The following ASTN2 variants were observed in gnomAD, a reference collection of about 807,000 sequenced individuals.
ASTN2 encodes astrotactin-2.
ASTN2 carries 54 observed loss-of-function variants against 139.8 expected under a neutral mutation model. That is an observed-to-expected ratio of 0.39 (90% CI 0.31 to 0.48). ASTN2 has a LOEUF of 0.48. ASTN2 is among the 20% of genes least tolerant of loss of function. The probability of loss-of-function intolerance (pLI) is 0.95; values close to 1 mark genes in which losing one functional copy is unlikely to be tolerated. For synonymous variants in ASTN2, 756 were observed against 719.5 expected, an observed-to-expected ratio of 1.05 and a Z score of -0.81; for missense variants, 1,565 against 1,725.1, an observed-to-expected ratio of 0.91 and a Z score of 1.64.
chr9:116,724,590 C>T (rs143177927), intron 16 of ASTN2, among the ~76,000 whole-genome samples: 17 of 152,348 alleles, frequency 1.1e-4, no homozygotes, highest in African/African-American at 4.1e-4. Context: ...AAGCTCCCTT[C>T]TTCTCCCCTA....
chr9:117,093,991 C>A (rs567465209), intron 5 of ASTN2, among the ~76,000 whole-genome samples: 1 of 152,094 alleles, frequency 6.6e-6, no homozygotes, highest in South Asian at 2.1e-4. Flanking sequence ...ACAAACCCCA[C>A]AAGAGCAGGA....
intron 10 of ASTN2, among the ~76,000 whole-genome samples, chr9:116,930,372 A>G (rs73528002): frequency 0.018 from 2,753 of 152,058 alleles, 75 homozygotes; most frequent in African/African-American, 0.056. Flanking sequence ...GATGTTTTGA[A>G]TTTTCTTCCT....
Position 116,568,356 on chromosome 9 carries a change from AAATTTT to A in ASTN2, c.3355+49962_3355+49967del, listed in dbSNP as rs1246281799. On this transcript the variant is annotated intron_variant, in intron 19 of 22. Transcript: ENST00000313400. ...GTTTTGGATATTTTTTTAAATTTTT[AAATTTT>A]AATTTTTATCTTTTTTTAGGAGATG... 7 of 152,218 alleles carry A rather than the reference AAATTTT, an allele frequency of 4.6e-5. No individual in the cohort carries two copies. In the East Asian group the frequency reaches 1.4e-3, roughly 29 times the overall value. The allele number at this position is 152,218 out of a possible 1,614,324, so 9.4% of individuals were successfully genotyped here.
intron 3 of ASTN2, chr9:117,181,076 A>G: frequency 1.5e-6 from 2 of 1,311,920 alleles, no homozygotes; most frequent in East Asian, 2.3e-5. Context: ...GCCTGTTTCC[A>G]TGGTCCCTTA....
intron 2 of ASTN2, among the ~76,000 whole-genome samples, chr9:117,238,769 A>C (rs958487512): frequency 8.5e-5 from 13 of 152,274 alleles, no homozygotes; most frequent in South Asian, 8.3e-4. Context: ...AGCTCCAGTG[A>C]CCGCTATAAA....
At chr9:117,315,420 C>A (rs1828114606) in intron 1 of ASTN2, among the ~76,000 whole-genome samples, 1 of 152,184 alleles carries the variant, frequency 6.6e-6, no homozygotes, top group Admixed American at 6.6e-5. Context: ...CAGCCGCCAA[C>A]CATGTGAGTT....
At chr9:116,813,312 C>T (rs985074645) in intron 12 of ASTN2, among the ~76,000 whole-genome samples, 2 of 152,112 alleles carry the variant, frequency 1.3e-5, no homozygotes, top group Non-Finnish European at 2.9e-5. Context: ...CACCATAAAA[C>T]CTTCTATGTG....
At chr9:116,485,676 C>T (rs1849315464) in intron 20 of ASTN2, among the ~76,000 whole-genome samples, 1 of 152,200 alleles carries the variant, frequency 6.6e-6, no homozygotes, top group African/African-American at 2.4e-5. Flanking sequence ...CCAGATGTCC[C>T]ACTGGAAGAC....
intron 20 of ASTN2, among the ~76,000 whole-genome samples, chr9:116,450,114 G>C (rs977252658): frequency 2.0e-5 from 3 of 152,208 alleles, no homozygotes; most frequent in African/African-American, 7.2e-5. Context: ...ATTGCAAGCA[G>C]GATCAGCAAA....
chr9:117,060,861 C>T (rs886069550), intron 5 of ASTN2, among the ~76,000 whole-genome samples: 3 of 151,878 alleles, frequency 2.0e-5, no homozygotes, highest in African/African-American at 7.3e-5. Flanking sequence ...TGCCACTGCA[C>T]TCCAGACTGG....
chr9:117,211,351 T>C (rs929465770), intron 3 of ASTN2, among the ~76,000 whole-genome samples: 3 of 152,162 alleles, frequency 2.0e-5, no homozygotes, highest in Admixed American at 6.5e-5. Flanking sequence ...ATCCCCAAGG[T>C]TGGGGGAGAG....
chr9:116,436,484 G>T (rs543502897), intron 22 of ASTN2, among the ~76,000 whole-genome samples: 1 of 152,132 alleles, frequency 6.6e-6, no homozygotes, highest in Non-Finnish European at 1.5e-5. Flanking sequence ...ACTTACAAAT[G>T]TGAATACGAC....
At chr9:116,779,444 C>A (rs943191768) in intron 13 of ASTN2, among the ~76,000 whole-genome samples, 2 of 152,092 alleles carry the variant, frequency 1.3e-5, no homozygotes, top group Non-Finnish European at 1.5e-5. Context: ...GACTTCCCAG[C>A]CTCCAGGAGC....
chr9:116,811,867 C>A (rs944330072), intron 12 of ASTN2, among the ~76,000 whole-genome samples: 10 of 152,124 alleles, frequency 6.6e-5, no homozygotes, highest in Non-Finnish European at 1.3e-4. Context: ...TAGTTGCTGG[C>A]CTCTATCTAG....
intron 13 of ASTN2, among the ~76,000 whole-genome samples, chr9:116,747,860 G>A (rs1413535289): frequency 6.6e-6 from 1 of 152,162 alleles, no homozygotes; most frequent in Non-Finnish European, 1.5e-5. Flanking sequence ...AGGCATGGCT[G>A]TTACTAACTC....
At chr9:117,296,674 A>G (rs1048441459) in intron 1 of ASTN2, among the ~76,000 whole-genome samples, 1 of 152,250 alleles carries the variant, frequency 6.6e-6, no homozygotes, top group African/African-American at 2.4e-5. Context: ...TGAATATAAA[A>G]TGAAACAGCA....
intron 13 of ASTN2, among the ~76,000 whole-genome samples, chr9:116,761,697 A>G (rs894380561): frequency 2.0e-5 from 3 of 152,118 alleles, no homozygotes; most frequent in African/African-American, 7.2e-5. Flanking sequence ...CACTTGAGAG[A>G]TGGGCTTGAG....
intron 4 of ASTN2, among the ~76,000 whole-genome samples, chr9:117,097,073 C>A (rs1229671612): frequency 1.3e-5 from 2 of 152,168 alleles, no homozygotes; most frequent in Non-Finnish European, 2.9e-5. Flanking sequence ...TCCAGTGGTA[C>A]CTAGGCTGCA....
At chr9:116,966,094 T>C (rs530510033) in intron 10 of ASTN2, among the ~76,000 whole-genome samples, 1 of 152,274 alleles carries the variant, frequency 6.6e-6, no homozygotes, top group South Asian at 2.1e-4. Context: ...CATACTTTCA[T>C]GTGTCTCTCT....
Sources: gnomAD v4.1 joint callset for allele counts (sites outside exome capture counted in the v4.1 genomes callset) on GRCh38, gnomAD v4.1.1 for gene constraint, MANE v1.5 for transcripts, NCBI Gene and HGNC (gene_info 2026-07-23, HGNC 2026-07-21) for gene names.